Variants in NUGGC observed in about 807,000 individuals in gnomAD.
NUGGC encodes nuclear GTPase, germinal center associated, also known as nuclear GTPase SLIP-GC.
A neutral mutation model predicts 92.6 loss-of-function variants in NUGGC; 58 were observed. The ratio of observed to expected loss-of-function variants is 0.63; its 90% confidence interval spans 0.51 to 0.78. The LOEUF is 0.78. Among genes scored for constraint, NUGGC ranks in the 30% least tolerant of loss-of-function variants. The pLI, the probability that NUGGC is intolerant of heterozygous loss-of-function variation, is 0.00. For synonymous variants in NUGGC, 376 were observed against 366.4 expected, an observed-to-expected ratio of 1.03 and a Z score of -0.30; for missense variants, 925 against 964.6, an observed-to-expected ratio of 0.96 and a Z score of 0.54.
chr8:28,076,866 A>G (rs530727857), intron 1 of NUGGC, among the ~76,000 whole-genome samples: 4 of 152,334 alleles, frequency 2.6e-5, no homozygotes, highest in African/African-American at 9.6e-5. Context: ...GTAGAAATAG[A>G]TCCACTAGGT....
intron 11 of NUGGC, 89 bp downstream of exon 11, chr8:28,047,418 T>A (rs1346636477): frequency 2.6e-6 from 2 of 774,456 alleles, no homozygotes; most frequent in African/African-American, 1.8e-5. Flanking sequence ...ATTGTTTGTG[T>A]GGCACAAAAA....
intron 6 of NUGGC, 100 bp from the exon 7 acceptor site, chr8:28,064,831 G>GGTAA: frequency 1.0e-6 from 1 of 960,544 alleles, no homozygotes; most frequent in Non-Finnish European, 1.6e-6. Context: ...GCTGAGTAAG[G>GGTAA]GTAAGAAGTG....
intron 15 of NUGGC, among the ~76,000 whole-genome samples, 156 bp from the exon 16 acceptor site, chr8:28,030,574 T>C (rs878905829): frequency 6.6e-6 from 1 of 152,244 alleles, no homozygotes; most frequent in Non-Finnish European, 1.5e-5. Context: ...GAGCTTCTCA[T>C]AGGCAGGAAC....
In NUGGC at chr8:28,070,364, T is replaced by G. The variant is rs761003309; in HGVS notation, c.44-8A>C. On this transcript the variant is annotated splice_region_variant and splice_polypyrimidine_tract_variant and intron_variant, in intron 2 of 18. Coordinates refer to ENST00000413272, the MANE Select transcript of NUGGC (RefSeq NM_001010906.2). ...TATATAAATCATCTTCAACTAGAGATAAACAGAGGATATATAAGATTATAG... is the reference window on the plus strand; with the variant it reads ...TATATAAATCATCTTCAACTAGAGAGAAACAGAGGATATATAAGATTATAG... 2 of 1,346,884 alleles carry G rather than the reference T, an allele frequency of 1.5e-6. No individual in the cohort carries two copies. Among genetic ancestry groups the G allele is most frequent in the East Asian group, 5.0e-5 (2 of 39,956 alleles). The allele number at this position is 1,346,884 out of a possible 1,614,324, so 83.4% of individuals were successfully genotyped here. A position where few individuals can be genotyped will look rare whatever the true frequency, so the allele number is the denominator to read the frequency against.
Position 28,029,253 on chromosome 8 carries a change from G to C in NUGGC, c.2154+13C>G. The C allele has an allele frequency of 1.2e-6, 2 of 1,600,062 alleles. No individual in the cohort carries two copies. Among genetic ancestry groups the C allele is most frequent in the Non-Finnish European group, 1.7e-6 (2 of 1,173,108 alleles). The stretch of plus-strand genomic sequence containing the variant: ...TCTCGGGGTCTAGGATCCAGGATGT[G>C]GGCATAGAGTACCTTCAGCTGCTGA... On this transcript the variant is annotated intron_variant, in intron 17 of 18. Transcript: ENST00000413272.
At chr8:28,077,004 C>T (rs1563233963) in intron 1 of NUGGC, among the ~76,000 whole-genome samples, 1 of 152,098 alleles carries the variant, frequency 6.6e-6, no homozygotes, top group South Asian at 2.1e-4. Context: ...ATTGATATGA[C>T]CACCTAATAA....
At chr8:28,069,323 T>C (rs1242160242) in intron 4 of NUGGC, among the ~76,000 whole-genome samples, 1 of 152,182 alleles carries the variant, frequency 6.6e-6, no homozygotes, top group Non-Finnish European at 1.5e-5. Flanking sequence ...TATAGGAGTG[T>C]TGGATGGGTT....
intron 1 of NUGGC, among the ~76,000 whole-genome samples, chr8:28,083,263 T>C (rs1214351731): frequency 6.6e-6 from 1 of 152,166 alleles, no homozygotes; most frequent in Non-Finnish European, 1.5e-5. Flanking sequence ...TCCCTTGATA[T>C]GATGTGATGA....
chr8:28,044,555 T>C (rs1231111393), intron 12 of NUGGC, among the ~76,000 whole-genome samples: 1 of 152,210 alleles, frequency 6.6e-6, no homozygotes, highest in Non-Finnish European at 1.5e-5. Flanking sequence ...GACATTTGGT[T>C]TTCCCGGTTG....
intron 10 of NUGGC, among the ~76,000 whole-genome samples, chr8:28,054,144 G>A (rs1038483362): frequency 6.6e-6 from 1 of 152,102 alleles, no homozygotes; most frequent in Non-Finnish European, 1.5e-5. Context: ...ATGTTGTGTT[G>A]TTTATATTTT....
chr8:28,051,939 AC>A (rs1810016289), intron 10 of NUGGC, among the ~76,000 whole-genome samples: 1 of 152,104 alleles, frequency 6.6e-6, no homozygotes, highest in African/African-American at 2.4e-5. Flanking sequence ...CAAAACAAAA[AC>A]AAAAACAAAC....
At position 28,067,874 on chromosome 8, in the gene NUGGC, G is replaced by C. The variant is rs769028042; in HGVS notation, c.481-130C>G. 295 of 712,042 alleles carry C rather than the reference G, an allele frequency of 4.1e-4. 1 individual carries two copies. Among genetic ancestry groups the C allele is most frequent in the South Asian group, 1.2e-3 (64 of 53,632 alleles). 44.1% of individuals were successfully genotyped at this position (712,042 alleles called of 1,614,324 possible). A position where few individuals can be genotyped will look rare whatever the true frequency, so the allele number is the denominator to read the frequency against. ...TCAGAAAATCTAGGTCATCTATCTGGGGTCTCGAAGAGGGGAATGGCTTGC... is the reference window on the plus strand; with the variant it reads ...TCAGAAAATCTAGGTCATCTATCTGCGGTCTCGAAGAGGGGAATGGCTTGC... On this transcript the variant is annotated intron_variant, in intron 5 of 18. Coordinates refer to ENST00000413272, the MANE Select transcript of NUGGC (RefSeq NM_001010906.2).
chr8:28,037,045 G>A (rs1381278372), intron 13 of NUGGC, among the ~76,000 whole-genome samples: 3 of 152,136 alleles, frequency 2.0e-5, no homozygotes, highest in Non-Finnish European at 4.4e-5. Context: ...TGTACATACA[G>A]CTCGCTCATG....
chr8:28,051,741 G>A (rs978019142), intron 10 of NUGGC, among the ~76,000 whole-genome samples: 6 of 152,146 alleles, frequency 3.9e-5, no homozygotes, highest in African/African-American at 1.4e-4. Flanking sequence ...TGACCAGCAT[G>A]GAGAAACCCC....
At position 28,054,280 on chromosome 8, in the gene NUGGC, G is replaced by A. The variant is rs368174704; in HGVS notation, c.1206+1685C>T. 1.3e-3 allele frequency among the ~76,000 whole-genome samples: 201 copies of A among 151,866 alleles called. 1 individual carries two copies. Among genetic ancestry groups the A allele is most frequent in the Admixed American group, 2.1e-3 (32 of 15,250 alleles). On this transcript the variant is annotated intron_variant, in intron 10 of 18. Transcript: ENST00000413272. ...GTAGATCACCAGAGGTCAGGAGTTC[G>A]AGACCAGCCTGGCTAACATGGTGAA...
chr8:28,028,992 G>A (rs1439267766), intron 17 of NUGGC, among the ~76,000 whole-genome samples: 1 of 152,108 alleles, frequency 6.6e-6, no homozygotes, highest in Non-Finnish European at 1.5e-5. Context: ...AACAATGATA[G>A]TACCTACCTC....
chr8:28,064,996 G>A (rs1434934870), intron 6 of NUGGC, among the ~76,000 whole-genome samples: 3 of 152,050 alleles, frequency 2.0e-5, no homozygotes, highest in Admixed American at 2.0e-4. Context: ...TAGTATTGCT[G>A]AATAATAAGT....
At position 28,058,333 on chromosome 8, in the gene NUGGC, A is replaced by C. The variant is rs1810203150; in HGVS notation, c.1098-57T>G. On this transcript the variant is annotated intron_variant, in intron 8 of 18. Coordinates refer to ENST00000413272, the MANE Select transcript of NUGGC (RefSeq NM_001010906.2). ...CTTAATTTTTACTATGTGTCACTGC[A>C]GTCTTTCGACTTTCCCCAAAAGCAG... 6 of 349,678 alleles carry C rather than the reference A, an allele frequency of 1.7e-5. No individual in the cohort carries two copies. In the Middle Eastern group the frequency reaches 1.8e-3, roughly 104 times the overall value. 21.7% of individuals were successfully genotyped at this position (349,678 alleles called of 1,614,324 possible). A position where few individuals can be genotyped will look rare whatever the true frequency, so the allele number is the denominator to read the frequency against.
At chr8:28,032,736 A>AG (rs1809454119) in intron 14 of NUGGC, among the ~76,000 whole-genome samples, 1 of 151,466 alleles carries the variant, frequency 6.6e-6, no homozygotes, top group African/African-American at 2.4e-5. Flanking sequence ...AAAAAAAAAA[A>AG]AAAAAGAATT....
Sources: gnomAD v4.1 joint callset for allele counts (sites outside exome capture counted in the v4.1 genomes callset) on GRCh38, gnomAD v4.1.1 for gene constraint, MANE v1.5 for transcripts, NCBI Gene and HGNC (gene_info 2026-07-23, HGNC 2026-07-21) for gene names.